Variants in SDCCAG8 observed in about 807,000 individuals in gnomAD.
SDCCAG8 encodes serologically defined colon cancer antigen 8.
A neutral mutation model predicts 101.8 loss-of-function variants in SDCCAG8; 74 were observed. The ratio of observed to expected loss-of-function variants is 0.73; its 90% CI spans 0.60 to 0.88. SDCCAG8 has a LOEUF of 0.88. Ranked by LOEUF, SDCCAG8 falls within the 40% of genes least tolerant of loss-of-function variation. The pLI is 0.00. For synonymous variants in SDCCAG8, 281 were observed against 292.9 expected, an observed-to-expected ratio of 0.96 and a Z score of 0.41; for missense variants, 787 against 822.6, an observed-to-expected ratio of 0.96 and a Z score of 0.53.
intron 17 of SDCCAG8, 93 bp from the exon 18 acceptor site, chr1:243,499,663 T>G: frequency 9.7e-7 from 1 of 1,033,336 alleles, no homozygotes; most frequent in South Asian, 1.3e-5. Context: ...ACAACAGTTT[T>G]CATCATAAAA....
rs2074516402 is a variant in SDCCAG8, at chr1:243,330,613, C to G, written c.1142C>G (p.Ser381Cys). The change falls in exon 10 of 18, where the codon TCT (serine) becomes TGT (cysteine). Residue 381 changes from serine (S) to cysteine (C), a missense_variant. By Grantham distance (112) the Ser-to-Cys change is moderately radical. Transcript: ENST00000366541. ...GAGCGACTTGAAAAAGAACTTGCATCTCAGCAAGAGAAAAGGGCCATTGAG... is the reference window on the plus strand; with the variant it reads ...GAGCGACTTGAAAAAGAACTTGCATGTCAGCAAGAGAAAAGGGCCATTGAG... ...QAERLEKELA[S>C]QQEKRAIEKD... 1 of 1,613,738 alleles carries G rather than the reference C, an allele frequency of 6.2e-7. No individual in the cohort carries two copies.
At chr1:243,359,007 T>C (rs1411766925) in intron 12 of SDCCAG8, among the ~76,000 whole-genome samples, 6 of 152,190 alleles carry the variant, frequency 3.9e-5, no homozygotes. Context: ...TTTGGGGTGA[T>C]AAAATGTTCT....
chr1:243,275,454 T>A (rs2068462259), intron 4 of SDCCAG8, among the ~76,000 whole-genome samples: 1 of 152,176 alleles, frequency 6.6e-6, no homozygotes, highest in Non-Finnish European at 1.5e-5. Context: ...AGTATGTAAC[T>A]TAAGGAGGCT....
intron 1 of SDCCAG8, among the ~76,000 whole-genome samples, chr1:243,260,280 A>G (rs1227872514): frequency 6.6e-6 from 1 of 152,222 alleles, no homozygotes; most frequent in Admixed American, 6.5e-5. Context: ...CACAGAATTT[A>G]ATCTAGAACT....
At chr1:243,463,588 C>T (rs1659554231) in intron 16 of SDCCAG8, among the ~76,000 whole-genome samples, 1 of 152,194 alleles carries the variant, frequency 6.6e-6, no homozygotes, top group Non-Finnish European at 1.5e-5. Context: ...TAATATAGCA[C>T]AGTCCACTCA....
chr1:243,426,568 G>T lies in SDCCAG8; in HGVS notation c.1985+10G>T. 6.2e-7 allele frequency: 1 copy of T among 1,613,862 alleles called. No individual in the cohort carries two copies. The highest frequency in any genetic ancestry group is 8.5e-7 in the Non-Finnish European group (1 of 1,179,856). ...AGACGATGAAGCAAAGGTAATCAAG[G>T]TTTCATGTCAACTCATGTGCCGCAT... On this transcript the variant is annotated intron_variant, in intron 16 of 17. Transcript: ENST00000366541.
Position 243,335,024 on chromosome 1 carries a change from G to T in SDCCAG8, c.1221+4332G>T, listed in dbSNP as rs566745319. Among the ~76,000 whole-genome samples, 113 of 152,236 alleles carry T rather than the reference G, an allele frequency of 7.4e-4. 1 individual carries two copies. Among genetic ancestry groups the T allele is most frequent in the Middle Eastern group, 6.8e-3 (2 of 294 alleles). ...CCTCCCCTAGTTCAGTGAGTCCCTTGCATGTAACATCCTCAATGCCTGGCA... is the reference window on the plus strand; with the variant it reads ...CCTCCCCTAGTTCAGTGAGTCCCTTTCATGTAACATCCTCAATGCCTGGCA... On this transcript the variant is annotated intron_variant, in intron 10 of 17. Coordinates refer to ENST00000366541, the MANE Select transcript of SDCCAG8 (RefSeq NM_006642.5).
rs542319072 is a variant in SDCCAG8 at position 243,296,530 on chromosome 1, C to A, written c.675+3311C>A. Among the ~76,000 whole-genome samples the A allele has an allele frequency of 3.7e-5, 4 of 106,824 alleles. No homozygotes were observed. In the South Asian group the frequency reaches 1.3e-3, roughly 34 times the overall value. 70.1% of individuals were successfully genotyped at this position (106,824 alleles called of 152,430 possible). ...TTCGTCCCCCTGTAGTCCACCCCAA[C>A]TGCTCTTTTTTTTTTTTTTTTTTTT... On this transcript the variant is annotated intron_variant, in intron 6 of 17. Transcript: ENST00000366541.
intron 16 of SDCCAG8, among the ~76,000 whole-genome samples, chr1:243,455,454 G>C (rs1047717131): frequency 6.6e-6 from 1 of 152,086 alleles, no homozygotes; most frequent in Non-Finnish European, 1.5e-5. Flanking sequence ...ATTTTTAATA[G>C]AGTTGGGTTT....
chr1:243,256,356 G>C, intron 1 of SDCCAG8, 116 bp downstream of exon 1: 3 of 802,562 alleles, frequency 3.7e-6, no homozygotes, highest in Non-Finnish European at 6.6e-6. Context: ...CTACAGAGGA[G>C]CAAGATGGAT....
Position 243,458,820 on chromosome 1 carries a change from C to T in SDCCAG8, c.1986-30194C>T, listed in dbSNP as rs555174771. Among the ~76,000 whole-genome samples the T allele has an allele frequency of 8.5e-5, 13 of 152,336 alleles. No individual in the cohort carries two copies. Among genetic ancestry groups the T allele is most frequent in the South Asian group, 2.1e-4 (1 of 4,826 alleles). Reference sequence around the variant, plus strand: ...ATTCCCATTGTCAGTGATCTCTAAACGGCATTCCTGCCACTAAACTGCCAC... The same window carrying T: ...ATTCCCATTGTCAGTGATCTCTAAATGGCATTCCTGCCACTAAACTGCCAC... On this transcript the variant is annotated intron_variant, in intron 16 of 17. Transcript: ENST00000366541. This position sits in a 1 kb window ranked among gnomAD's most constrained non-coding sequence, Gnocchi z 4.5.
intron 16 of SDCCAG8, among the ~76,000 whole-genome samples, chr1:243,451,383 T>C (rs1417992297): frequency 1.3e-5 from 2 of 152,224 alleles, no homozygotes; most frequent in Non-Finnish European, 2.9e-5. Context: ...TCCATAATCC[T>C]TTCCTGGGTG....
chr1:243,456,535 G>A (rs2083769490), intron 16 of SDCCAG8, among the ~76,000 whole-genome samples: 1 of 152,150 alleles, frequency 6.6e-6, no homozygotes, highest in Non-Finnish European at 1.5e-5. Context: ...AGAAATTAGA[G>A]TGAGCTATTA....
chr1:243,488,078 C>T (rs975324927), intron 16 of SDCCAG8, among the ~76,000 whole-genome samples: 1 of 152,210 alleles, frequency 6.6e-6, no homozygotes, highest in Non-Finnish European at 1.5e-5. Context: ...CCTGTGCCCA[C>T]ATGTGCGGCC....
At chr1:243,488,949 A>G in intron 16 of SDCCAG8, 65 bp from the exon 17 acceptor site, 1 of 1,611,636 alleles carries the variant, frequency 6.2e-7, no homozygotes, top group South Asian at 1.1e-5. Flanking sequence ...AGATACACAC[A>G]GCCCCTGGGC....
Position 243,473,916 on chromosome 1 carries a change from TGCCG to T in SDCCAG8, c.1986-15095_1986-15092del, listed in dbSNP as rs1250953462. Among the ~76,000 whole-genome samples the T allele has an allele frequency of 3.2e-3, 16 of 5,012 alleles. No homozygotes were observed. In the East Asian group the frequency reaches 0.049, roughly 15 times the overall value. 3.3% of individuals were successfully genotyped at this position (5,012 alleles called of 152,430 possible). Reference sequence around the variant, plus strand: ...ATGAGTTTGGTTATTGGAGGAGAGTTGCCGGCGGGGGGGGGGGGGGGGGCCGGGG... The same window carrying T: ...ATGAGTTTGGTTATTGGAGGAGAGTTGCGGGGGGGGGGGGGGGGGCCGGGG... On this transcript the variant is annotated intron_variant, in intron 16 of 17. Transcript: ENST00000366541.
chr1:243,304,537 A>G (rs1005969147), intron 6 of SDCCAG8, among the ~76,000 whole-genome samples, 176 bp from the exon 7 acceptor site: 1 of 152,242 alleles, frequency 6.6e-6, no homozygotes, highest in African/African-American at 2.4e-5. Context: ...CTTTGCAGGC[A>G]TTCACACAAT....
At chr1:243,469,613 T>G (rs1367277172) in intron 16 of SDCCAG8, among the ~76,000 whole-genome samples, 1 of 152,216 alleles carries the variant, frequency 6.6e-6, no homozygotes, top group Non-Finnish European at 1.5e-5. Context: ...ATTTACAATT[T>G]GATGCCCCTG....
chr1:243,429,945 C>G (rs997434316), intron 16 of SDCCAG8, among the ~76,000 whole-genome samples: 1 of 151,914 alleles, frequency 6.6e-6, no homozygotes, highest in African/African-American at 2.4e-5. Flanking sequence ...TGAGGTGATC[C>G]GCCTACCTCG....
Sources: gnomAD v4.1 joint callset for allele counts (sites outside exome capture counted in the v4.1 genomes callset) on GRCh38, gnomAD v4.1.1 for gene constraint, Gnocchi (gnomAD v3.1) non-coding constraint, MANE v1.5 for transcripts, NCBI Gene and HGNC (gene_info 2026-07-23, HGNC 2026-07-21) for gene names.